The following CTNNB1 variants were observed in gnomAD, a reference collection of about 807,000 sequenced individuals.
CTNNB1 encodes the protein catenin beta 1.
CTNNB1 carries 6 observed loss-of-function variants against 82.5 expected under a neutral mutation model. The ratio of observed to expected loss-of-function variants is 0.07; its 90% CI spans 0.04 to 0.14. The LOEUF (loss-of-function observed/expected upper bound fraction) is 0.14. Among genes scored for constraint, CTNNB1 ranks in the 10% least tolerant of loss-of-function variants. CTNNB1 has a pLI of 1.00. For synonymous variants in CTNNB1, 312 were observed against 329.7 expected, an observed-to-expected ratio of 0.95 and a Z score of 0.58; for missense variants, 529 against 980.4, an observed-to-expected ratio of 0.54 and a Z score of 6.15.
Position 41,239,425 on chromosome 3 carries a change from G to A in CTNNB1, c.*83G>A. The A allele has an allele frequency of 7.8e-7, 1 of 1,277,820 alleles. No homozygotes were observed. Among genetic ancestry groups the A allele is most frequent in the Non-Finnish European group, 1.1e-6 (1 of 900,462 alleles). 79.2% of individuals were successfully genotyped at this position (1,277,820 alleles called of 1,614,324 possible). A position where few individuals can be genotyped will look rare whatever the true frequency, so the allele number is the denominator to read the frequency against. On this transcript the variant is annotated 3_prime_UTR_variant, in exon 15 of 15. Coordinates refer to ENST00000349496, the MANE Select transcript of CTNNB1 (RefSeq NM_001904.4). The stretch of plus-strand genomic sequence containing the variant: ...GCCTACAGAACTTCAGAAAGACTTG[G>A]TTGGTAGGGTGGGAGTGGTTTAGGC...
intron 2 of CTNNB1, 85 bp downstream of exon 2, chr3:41,224,166 C>T: frequency 6.8e-7 from 1 of 1,462,776 alleles, no homozygotes; most frequent in Non-Finnish European, 9.6e-7. Flanking sequence ...CCCCTGCTTT[C>T]CTCTCTCCCT....
chr3:41,226,011 T>C, intron 6 of CTNNB1, 150 bp downstream of exon 6: 1 of 737,828 alleles, frequency 1.4e-6, no homozygotes, highest in South Asian at 1.5e-5. Context: ...GAATGGTTTC[T>C]GGATGACACC....
At chr3:41,230,697 T>G (rs1235556584) in intron 7 of CTNNB1, among the ~76,000 whole-genome samples, 2 of 152,074 alleles carry the variant, frequency 1.3e-5, no homozygotes, top group African/African-American at 2.4e-5. Context: ...GAAAAGGGGA[T>G]GTTAAGTGGG....
rs2078142567 is a variant in CTNNB1 at position 41,225,068 on chromosome 3, C to G, written c.356C>G (p.Pro119Arg). 6.2e-7 allele frequency: 1 copy of G among 1,613,922 alleles called. No individual in the cohort carries two copies. The highest frequency in any genetic ancestry group is 1.7e-5 in the Admixed American group (1 of 59,964). ...TCTACACAGTTTGATGCTGCTCATC[C>G]CACTAATGTCCAGCGTTTGGCTGAA... is the stretch of plus-strand genomic sequence containing the variant. The part of the protein sequence containing the change: ...IPSTQFDAAH[P>R]TNVQRLAEPS... Residue 119 changes from proline (P) to arginine (R), a missense_variant, in exon 4 of 15, where the codon CCC becomes CGC. Physicochemically the swap from Pro to Arg is moderately radical, Grantham distance 103 (BLOSUM62 -2). Around this residue, in one of 4 missense-constraint regions of CTNNB1, gnomAD observed 411 missense variants for 776.4 expected, o/e 0.53. Transcript: ENST00000349496. This position sits in a 1 kb window ranked among gnomAD's most constrained non-coding sequence, Gnocchi z 5.3.
intron 14 of CTNNB1, among the ~76,000 whole-genome samples, 176 bp from the exon 15 acceptor site, chr3:41,238,958 G>GTAAT (rs2078506367): frequency 1.3e-5 from 2 of 151,210 alleles, no homozygotes; most frequent in Admixed American, 6.6e-5. Context: ...CTGGCACTGA[G>GTAAT]TAATTACTTG....
intron 7 of CTNNB1, chr3:41,233,135 TGA>T (rs1344284585): frequency 8.0e-6 from 5 of 623,482 alleles, no homozygotes; most frequent in African/African-American, 1.8e-5. Context: ...AGTAGCTATT[TGA>T]GAGTTTGTCA....
Position 41,235,946 on chromosome 3 carries a change from A to G in CTNNB1, c.1803+103A>G, listed in dbSNP as rs928512009. The G allele has an allele frequency of 5.1e-6, 7 of 1,366,930 alleles. No individual in the cohort carries two copies. The African/African-American group carries it at 8.6e-5, about 17-fold the overall frequency. The allele number at this position is 1,366,930 out of a possible 1,614,324, so 84.7% of individuals were successfully genotyped here. On this transcript the variant is annotated intron_variant, in intron 11 of 14. Coordinates refer to ENST00000349496, the MANE Select transcript of CTNNB1 (RefSeq NM_001904.4). Reference sequence around the variant, plus strand: ...ATTAGGGACCATAATAGGGTTACCAACATTTAATTTTATGAAAATTCCCTA... The same window carrying G: ...ATTAGGGACCATAATAGGGTTACCAGCATTTAATTTTATGAAAATTCCCTA...
chr3:41,236,570 T>C lies in CTNNB1; in HGVS notation c.1955-18T>C. 6.2e-7 allele frequency: 1 copy of C among 1,614,214 alleles called. No homozygotes were observed. ...GTCTCAGTTTTTCCTCAAGGGCCTT[T>C]TTCTCCTTGTCTCTTAGCGACATAT... On this transcript the variant is annotated intron_variant, in intron 12 of 14. Transcript: ENST00000349496.
chr3:41,202,874 C>A (rs2077563942), intron 1 of CTNNB1, among the ~76,000 whole-genome samples: 1 of 152,094 alleles, frequency 6.6e-6, no homozygotes, highest in Non-Finnish European at 1.5e-5. Context: ...GTGTTTCATG[C>A]AAGACTGAGC....
Position 41,240,329 on chromosome 3 carries a change from G to C in CTNNB1, c.*987G>C, listed in dbSNP as rs1046721530. ...GAGGTGTTATTTGGAACCTTGTTTTGGACAGTTTACCAGTTGCCTTTTATC... is the reference window on the plus strand; with the variant it reads ...GAGGTGTTATTTGGAACCTTGTTTTCGACAGTTTACCAGTTGCCTTTTATC... On this transcript the variant is annotated 3_prime_UTR_variant, in exon 15 of 15. Transcript: ENST00000349496. 5.2e-6 allele frequency: 1 copy of C among 190,492 alleles called. No homozygotes were observed. The highest frequency in any genetic ancestry group is 1.1e-5 in the Non-Finnish European group (1 of 90,580). 11.8% of individuals were successfully genotyped at this position (190,492 alleles called of 1,614,324 possible).
At chr3:41,234,329 T>C (rs373106792) in intron 10 of CTNNB1, 32 bp downstream of exon 10, 11 of 1,611,924 alleles carry the variant, frequency 6.8e-6, no homozygotes, top group Non-Finnish European at 9.3e-6. Context: ...TACCTGGCTA[T>C]CTAAAAGGAA....
chr3:41,208,784 C>T (rs1334129210), intron 1 of CTNNB1, among the ~76,000 whole-genome samples: 1 of 152,174 alleles, frequency 6.6e-6, no homozygotes, highest in Non-Finnish European at 1.5e-5. Flanking sequence ...GATTCCATCC[C>T]CTCTTGCTCT....
chr3:41,232,427 T>A (rs1380369153), intron 7 of CTNNB1, among the ~76,000 whole-genome samples: 1 of 151,660 alleles, frequency 6.6e-6, no homozygotes, highest in Non-Finnish European at 1.5e-5. Context: ...ACTTACACTA[T>A]GAAGGAGAAG....
intron 6 of CTNNB1, among the ~76,000 whole-genome samples, chr3:41,226,850 A>G (rs766029725): frequency 9.9e-5 from 15 of 152,192 alleles, no homozygotes; most frequent in Admixed American, 6.5e-4. Flanking sequence ...TTCTGGTTCA[A>G]ATTTTCAGTG....
intron 1 of CTNNB1, among the ~76,000 whole-genome samples, chr3:41,215,761 G>T (rs2077902948): frequency 6.6e-6 from 1 of 152,120 alleles, no homozygotes; most frequent in Non-Finnish European, 1.5e-5. Context: ...TCTGCCTGTA[G>T]TCTGAATGTA....
At chr3:41,231,508 T>C (rs2078308892) in intron 7 of CTNNB1, among the ~76,000 whole-genome samples, 1 of 152,176 alleles carries the variant, frequency 6.6e-6, no homozygotes, top group Non-Finnish European at 1.5e-5. Flanking sequence ...AGTTTATTCA[T>C]GCTTTATTCC....
At chr3:41,208,986 C>T (rs887050506) in intron 1 of CTNNB1, among the ~76,000 whole-genome samples, 7 of 152,176 alleles carry the variant, frequency 4.6e-5, no homozygotes, top group East Asian at 3.9e-4. Flanking sequence ...TCTTTTGAAC[C>T]CCTGCCAGTG....
In CTNNB1 at chr3:41,227,208, C is replaced by T. The variant is rs1270698911; in HGVS notation, c.937C>T (p.Leu313Phe). The T allele has an allele frequency of 1.9e-6, 3 of 1,608,104 alleles. No homozygotes were observed. The highest frequency in any genetic ancestry group is 2.6e-6 in the Non-Finnish European group (3 of 1,174,692). The change falls in exon 7 of 15, where the codon CTC becomes TTC. Residue 313 changes from leucine to phenylalanine, a missense_variant and splice_region_variant. By Grantham distance (22) the Leu-to-Phe change is conservative (BLOSUM62 0). Transcript: ENST00000349496. ...ILAYGNQESK[L>F]IILASGGPQA... ...AAGATATATATATATATCTTTCTAG[C>T]TCATCATACTGGCTAGTGGTGGACC...
rs2125647597 is a variant in CTNNB1 at position 41,236,722 on chromosome 3, G to C, written c.2076+13G>C. Reference sequence around the variant, plus strand: ...GGCTTGGAATGAGGTAGGGAAATGTGAGCAGTTATTTATCTGGTAGTTTCC... The same window carrying C: ...GGCTTGGAATGAGGTAGGGAAATGTCAGCAGTTATTTATCTGGTAGTTTCC... On this transcript the variant is annotated intron_variant, in intron 13 of 14. Coordinates refer to ENST00000349496, the MANE Select transcript of CTNNB1 (RefSeq NM_001904.4). 1 of 1,613,998 alleles carries C rather than the reference G, an allele frequency of 6.2e-7. No individual in the cohort carries two copies. The highest frequency in any genetic ancestry group is 8.5e-7 in the Non-Finnish European group (1 of 1,179,914).
Sources: allele counts gnomAD v4.1 joint callset (sites outside exome capture counted in the v4.1 genomes callset), GRCh38; gene constraint gnomAD v4.1.1; regional missense constraint gnomAD v4.1.1; non-coding constraint Gnocchi (gnomAD v3.1); transcripts MANE v1.5; gene names NCBI Gene and HGNC (gene_info 2026-07-23, HGNC 2026-07-21).